ROBO2: variants seen among roughly 807,000 people sequenced by gnomAD.
The protein encoded by ROBO2 is roundabout guidance receptor 2.
Under a neutral mutation model 160.8 loss-of-function variants are expected in ROBO2, and 53 were observed. The ratio of observed to expected loss-of-function variants is 0.33; its 90% CI spans 0.26 to 0.41. The LOEUF (loss-of-function observed/expected upper bound fraction) is 0.41, where lower values mean the gene tolerates loss of function less well. ROBO2 is among the 10% of genes least tolerant of loss of function. The pLI is 1.00. For synonymous variants in ROBO2, 664 were observed against 611.7 expected (o/e 1.09, Z -1.26); for missense variants, 1,577 against 1,722.4 (o/e 0.92, Z 1.49).
chr3:76,212,318 A>T (rs1008160283), intron 2 of ROBO2, among the ~76,000 whole-genome samples: 32 of 152,026 alleles, frequency 2.1e-4, no homozygotes, highest in African/African-American at 7.0e-4. Flanking sequence ...TAGAAGACAG[A>T]TGCAAATATA....
At chr3:76,873,102 C>CA in intron 2 of ROBO2, among the ~76,000 whole-genome samples, 1 of 152,194 alleles carries the variant, frequency 6.6e-6, no homozygotes, top group South Asian at 2.1e-4. Context: ...TCTTATTCTT[C>CA]AGAAGAATAA....
At chr3:77,621,104 TA>T (rs11297546) in intron 22 of ROBO2, among the ~76,000 whole-genome samples, 73,162 of 151,920 alleles carry the variant, frequency 0.48, 17,872 homozygotes, top group Middle Eastern at 0.63. Context: ...ACAAGTCACT[TA>T]AATTTGACCT....
At chr3:76,821,594 G>A (rs1323599042) in intron 2 of ROBO2, among the ~76,000 whole-genome samples, 1 of 151,912 alleles carries the variant, frequency 6.6e-6, no homozygotes. Flanking sequence ...GGACTTTAAA[G>A]TAAATATTTG....
At chr3:76,736,090 T>C (rs1491003106) in intron 2 of ROBO2, among the ~76,000 whole-genome samples, 1 of 151,596 alleles carries the variant, frequency 6.6e-6, no homozygotes, top group Admixed American at 6.6e-5. Context: ...GAGACCATCC[T>C]GGCTAACACG....
intron 2 of ROBO2, among the ~76,000 whole-genome samples, chr3:76,706,536 A>T (rs1369230374): frequency 6.6e-6 from 1 of 151,990 alleles, no homozygotes; most frequent in African/African-American, 2.4e-5. Context: ...CACATGGTTG[A>T]TTGAGTCCTG....
chr3:77,159,073 A>C (rs779313015), intron 2 of ROBO2, among the ~76,000 whole-genome samples: 4 of 152,102 alleles, frequency 2.6e-5, no homozygotes, highest in Non-Finnish European at 4.4e-5. Context: ...AGGCCCACCC[A>C]CATGGGTTCT....
intron 2 of ROBO2, among the ~76,000 whole-genome samples, chr3:76,912,152 A>C (rs962513462): frequency 3.3e-5 from 5 of 152,124 alleles, no homozygotes; most frequent in Non-Finnish European, 7.4e-5. Context: ...ATCCCGAGCA[A>C]ATTAATTCTC....
intron 1 of ROBO2, among the ~76,000 whole-genome samples, chr3:75,934,265 A>G (rs1947672525): frequency 6.6e-6 from 1 of 152,222 alleles, no homozygotes; most frequent in Non-Finnish European, 1.5e-5. Flanking sequence ...CAATGGGCTC[A>G]ACTATCCAGG....
At chr3:76,831,121 T>G (rs2067055291) in intron 2 of ROBO2, among the ~76,000 whole-genome samples, 1 of 152,234 alleles carries the variant, frequency 6.6e-6, no homozygotes, top group African/African-American at 2.4e-5. Flanking sequence ...CAATGAATTT[T>G]TGAGTCCAAT....
intron 2 of ROBO2, among the ~76,000 whole-genome samples, chr3:76,826,921 T>C (rs2066639291): frequency 6.6e-6 from 1 of 152,158 alleles, no homozygotes; most frequent in Admixed American, 6.6e-5. Context: ...AGTGTTAAAT[T>C]GCTGTAAATG....
intron 2 of ROBO2, among the ~76,000 whole-genome samples, chr3:76,420,083 CATT>C (rs1462907416): frequency 6.6e-6 from 1 of 152,158 alleles, no homozygotes; most frequent in Non-Finnish European, 1.5e-5. Context: ...CTGAAGCTCT[CATT>C]ATTTTATTTG....
In ROBO2 at chr3:77,644,684, G is replaced by T; in HGVS notation, c.3935-20G>T. 6.2e-7 allele frequency: 1 copy of T among 1,612,536 alleles called. No individual in the cohort carries two copies. The highest frequency in any genetic ancestry group is 1.1e-5 in the South Asian group (1 of 91,032). The stretch of plus-strand genomic sequence containing the variant: ...CATGTTTCTGTTCAATTTAGCCTTT[G>T]GGTTTTTTTTCTTTTTCAGAGGAGG... On this transcript the variant is annotated intron_variant, in intron 24 of 25. Coordinates refer to ENST00000461745, the Ensembl canonical transcript of ROBO2.
chr3:76,943,615 A>C (rs1293328297), intron 2 of ROBO2, among the ~76,000 whole-genome samples: 1 of 152,230 alleles, frequency 6.6e-6, no homozygotes, highest in African/African-American at 2.4e-5. Context: ...TTGCACAACA[A>C]ATTTTGTTAA....
intron 2 of ROBO2, among the ~76,000 whole-genome samples, chr3:77,112,870 T>A (rs2073804601): frequency 6.6e-6 from 1 of 152,128 alleles, no homozygotes; most frequent in African/African-American, 2.4e-5. Flanking sequence ...AAAAGTTGCA[T>A]AAAATATGTT....
chr3:77,530,189 A>G (rs980528200), intron 6 of ROBO2, among the ~76,000 whole-genome samples: 6 of 152,124 alleles, frequency 3.9e-5, no homozygotes, highest in African/African-American at 1.4e-4. Context: ...TAGTTCCAAT[A>G]TAAATTAGAT....
chr3:76,279,074 A>G (rs761138426), intron 2 of ROBO2, among the ~76,000 whole-genome samples: 6 of 151,698 alleles, frequency 4.0e-5, no homozygotes, highest in Non-Finnish European at 7.4e-5. Context: ...ATACAAACAC[A>G]TATTTTAATT....
intron 2 of ROBO2, among the ~76,000 whole-genome samples, chr3:77,104,790 A>AT (rs1292664107): frequency 3.9e-5 from 6 of 152,130 alleles, no homozygotes. Flanking sequence ...GTTATGTTAG[A>AT]TTTTCTATGT....
chr3:76,394,829 G>C (rs1304397245), intron 2 of ROBO2, among the ~76,000 whole-genome samples: 1 of 152,084 alleles, frequency 6.6e-6, no homozygotes, highest in African/African-American at 2.4e-5. Context: ...CATAAAGCAA[G>C]TGCTTAGAGA....
At chr3:76,584,098 C>T (rs1248440682) in intron 2 of ROBO2, among the ~76,000 whole-genome samples, 1 of 152,096 alleles carries the variant, frequency 6.6e-6, no homozygotes, top group Non-Finnish European at 1.5e-5. Context: ...AAACCTTTGC[C>T]TACCCTGGCT....
Sources: gnomAD v4.1 joint callset for allele counts (sites outside exome capture counted in the v4.1 genomes callset) on GRCh38, gnomAD v4.1.1 for gene constraint, MANE v1.5 for transcripts, NCBI Gene and HGNC (gene_info 2026-07-23, HGNC 2026-07-21) for gene names.